Variants in SIGLEC11 observed in about 807,000 individuals in gnomAD.
SIGLEC11 encodes the protein sialic acid binding Ig like lectin 11, also known as sialic acid-binding Ig-like lectin 11.
A neutral mutation model predicts 61.2 loss-of-function variants in SIGLEC11; 47 were observed. The observed-to-expected ratio is 0.77, with a 90% CI of 0.61 to 0.98. SIGLEC11 has a LOEUF of 0.98. SIGLEC11 is among the 50% of genes least tolerant of loss of function. The pLI is 0.00. For synonymous variants in SIGLEC11, 278 were observed against 373.1 expected, an observed-to-expected ratio of 0.75 and a Z score of 2.94; for missense variants, 610 against 870.3, an observed-to-expected ratio of 0.70 and a Z score of 3.76.
In SIGLEC11 at chr19:49,952,376, C is replaced by T; in HGVS notation, c.1670G>A (p.Gly557Glu). ...CAGGGCAGCCCCCAGGCCAAGTCCT[C>T]CCCCATGCTCCAGCTTCCCTGCATG... ...QLLPGKLEHGGGLGLGAALGA... is the reference protein window; with the variant it reads ...QLLPGKLEHGEGLGLGAALGA... The change falls in exon 9 of 11, where the codon GGA becomes GAA. Residue 557 changes from glycine to glutamate, a missense_variant. Gly to Glu is a moderately conservative substitution (Grantham distance 98). This residue lies in a region of SIGLEC11 where 432 missense variants were observed against 441.5 expected (regional missense o/e 0.98). Coordinates refer to ENST00000447370, the MANE Select transcript of SIGLEC11 (RefSeq NM_052884.3). The T allele has an allele frequency of 2.5e-6, 4 of 1,607,138 alleles. No individual in the cohort carries two copies. The highest frequency in any genetic ancestry group is 1.3e-5 in the African/African-American group (1 of 75,054).
chr19:49,953,125 C>T (rs2076170124), intron 8 of SIGLEC11, among the ~76,000 whole-genome samples: 1 of 152,212 alleles, frequency 6.6e-6, no homozygotes, highest in Non-Finnish European at 1.5e-5. Context: ...CCCCGGGCCT[C>T]AGGAGACCTG....
chr19:49,954,313 A>AGC (rs1013427903), intron 8 of SIGLEC11, among the ~76,000 whole-genome samples: 2 of 152,166 alleles, frequency 1.3e-5, no homozygotes, highest in African/African-American at 4.8e-5. Context: ...TGAGGCCAAC[A>AGC]GCCCTCCAGG....
At position 49,949,635 on chromosome 19, in the gene SIGLEC11, A is replaced by T. The variant is rs1048744532; in HGVS notation, c.*335T>A. The T allele has an allele frequency of 1.8e-5, 3 of 168,722 alleles. No homozygotes were observed. Among genetic ancestry groups the T allele is most frequent in the African/African-American group, 7.1e-5 (3 of 42,184 alleles). 10.5% of individuals were successfully genotyped at this position (168,722 alleles called of 1,614,324 possible). On this transcript the variant is annotated 3_prime_UTR_variant, in exon 11 of 11. Transcript: ENST00000447370. ...GGCGGGCAGATTGCTTGAGCCCAGG[A>T]GTCTGAGACCAGCCAGGGAAACATG...
intron 8 of SIGLEC11, among the ~76,000 whole-genome samples, chr19:49,953,564 T>A (rs6509449): frequency 0.44 from 66,768 of 152,008 alleles, 15,196 homozygotes; most frequent in South Asian, 0.62. Context: ...GAAGAAGCCT[T>A]ATTAGGCTGA....
Position 49,958,496 on chromosome 19 carries a change from T to C in SIGLEC11, c.1438A>G (p.Ser480Gly). Residue 480 changes from serine to glycine, a missense_variant, in exon 8 of 11, where the codon AGC becomes GGC. Ser to Gly is a moderately conservative substitution (Grantham distance 56, BLOSUM62 0). Coordinates refer to ENST00000447370, the MANE Select transcript of SIGLEC11 (RefSeq NM_052884.3). Reference protein sequence around the residue: ...GLHCSCSSQASPAPSLRWWLG... With the variant: ...GLHCSCSSQAGPAPSLRWWLG... ...CACCAGCGCAGAGAGGGGGCCGGGCTGGCCTGGGAGGAGCAGCTGCAGTGC... is the reference window on the plus strand; with the variant it reads ...CACCAGCGCAGAGAGGGGGCCGGGCCGGCCTGGGAGGAGCAGCTGCAGTGC... The C allele has an allele frequency of 6.2e-7, 1 of 1,610,058 alleles. No individual in the cohort carries two copies. The highest frequency in any genetic ancestry group is 8.5e-7 in the Non-Finnish European group (1 of 1,178,642).
Position 49,955,983 on chromosome 19 carries a change from C to T in SIGLEC11, c.1651+2300G>A, listed in dbSNP as rs2076193281. On this transcript the variant is annotated intron_variant, in intron 8 of 10. Coordinates refer to ENST00000447370, the MANE Select transcript of SIGLEC11 (RefSeq NM_052884.3). The surrounding 1 kb of genome is among the most constrained non-coding windows in gnomAD (Gnocchi z 4.5). The stretch of plus-strand genomic sequence containing the variant: ...GTACTTATGGCCGGGCGCAGTGGCT[C>T]ACACCTGTAATCCTGTTACCAGAGC... Among the ~76,000 whole-genome samples the T allele has an allele frequency of 1.3e-5, 2 of 151,862 alleles. No individual in the cohort carries two copies. Among genetic ancestry groups the T allele is most frequent in the Admixed American group, 6.6e-5 (1 of 15,232 alleles).
At position 49,960,535 on chromosome 19, in the gene SIGLEC11, C is replaced by T. The variant is rs1379087763; in HGVS notation, c.460+17G>A. The T allele has an allele frequency of 6.3e-7, 1 of 1,596,212 alleles. No homozygotes were observed. The highest frequency in any genetic ancestry group is 2.2e-5 in the East Asian group (1 of 44,870). On this transcript the variant is annotated intron_variant, in intron 2 of 10. Coordinates refer to ENST00000447370, the MANE Select transcript of SIGLEC11 (RefSeq NM_052884.3). Reference sequence around the variant, plus strand: ...CTCCCCAGTGTGACAGGCAGGGGTTCCCACCCCATTCCATACCTGTTACTT... The same window carrying T: ...CTCCCCAGTGTGACAGGCAGGGGTTTCCACCCCATTCCATACCTGTTACTT...
chr19:49,958,898 G>T lies in SIGLEC11; in HGVS notation c.1108C>A (p.Leu370Met). 4 of 1,601,628 alleles carry T rather than the reference G, an allele frequency of 2.5e-6. No individual in the cohort carries two copies. Among genetic ancestry groups the T allele is most frequent in the Non-Finnish European group, 3.4e-6 (4 of 1,172,824 alleles). The change falls in exon 7 of 11, where the codon CTG becomes ATG. Residue 370 changes from leucine to methionine, a missense_variant and splice_region_variant. Coordinates refer to ENST00000447370, the MANE Select transcript of SIGLEC11 (RefSeq NM_052884.3). ...VMVSQANRTV[L>M]ENLGNGTSLP... ...GATGTGCCGTTCCCGAGGTTTTCCAGGACTAGGGAAGGAAGAGGCAGAATC... is the reference window on the plus strand; with the variant it reads ...GATGTGCCGTTCCCGAGGTTTTCCATGACTAGGGAAGGAAGAGGCAGAATC...
At chr19:49,959,266 G>A in intron 5 of SIGLEC11, 94 bp downstream of exon 5, 1 of 1,558,044 alleles carries the variant, frequency 6.4e-7, no homozygotes, top group Non-Finnish European at 8.7e-7. Flanking sequence ...CGAGGCCTGG[G>A]GTTCAAGACC....
chr19:49,952,928 CTCTG>C (rs879411088), intron 8 of SIGLEC11, among the ~76,000 whole-genome samples: 7 of 152,224 alleles, frequency 4.6e-5, no homozygotes, highest in Non-Finnish European at 1.0e-4. Context: ...AAAAACCTCG[CTCTG>C]TCTTTGTTTC....
chr19:49,957,202 C>T (rs1045059412), intron 8 of SIGLEC11, among the ~76,000 whole-genome samples: 1 of 152,160 alleles, frequency 6.6e-6, no homozygotes, highest in African/African-American at 2.4e-5. Context: ...CAGCTAACGG[C>T]TCTGCATAAA....
At chr19:49,954,289 C>T (rs2076180457) in intron 8 of SIGLEC11, among the ~76,000 whole-genome samples, 1 of 152,196 alleles carries the variant, frequency 6.6e-6, no homozygotes, top group African/African-American at 2.4e-5. Context: ...ATGTCCCAGC[C>T]TACCCCCCTT....
intron 8 of SIGLEC11, among the ~76,000 whole-genome samples, chr19:49,956,895 T>C (rs1343407514): frequency 6.7e-6 from 1 of 148,962 alleles, no homozygotes; most frequent in Non-Finnish European, 1.5e-5. Context: ...AAAAAAAAAA[T>C]GTAAAAAGTT....
chr19:49,958,797 C>G lies in SIGLEC11; in HGVS notation c.1209G>C (p.Trp403Cys). 1.2e-6 allele frequency: 2 copies of G among 1,613,474 alleles called. No individual in the cohort carries two copies. The highest frequency in any genetic ancestry group is 2.2e-5 in the South Asian group (2 of 90,990). ...GGCCCACGGTCTGTCCCCACCGGGT[C>G]CAGCTCAGCCTGGCTGGGGGGCTGC... is the stretch of plus-strand genomic sequence containing the variant. ...THSSPPARLS[W>C]TRWGQTVGPS... Residue 403 changes from tryptophan to cysteine, a missense_variant, in exon 7 of 11, where the codon TGG becomes TGC. By Grantham distance (215) the Trp-to-Cys change is radical. Transcript: ENST00000447370.
intron 8 of SIGLEC11, among the ~76,000 whole-genome samples, chr19:49,952,658 C>T (rs1180332307): frequency 6.6e-6 from 1 of 152,202 alleles, no homozygotes; most frequent in African/African-American, 2.4e-5. Context: ...AAGGAATAGG[C>T]TCCAGACACA....
Position 49,958,371 on chromosome 19 carries a change from A to G in SIGLEC11, c.1563T>C (p.His521=). Residue 521 remains histidine, a synonymous_variant, in exon 8 of 11, where the codon CAT becomes CAC. Coordinates refer to ENST00000447370, the MANE Select transcript of SIGLEC11 (RefSeq NM_052884.3). ...GPWANSSLSL[H]GGLSSGLRLR... ...GCCTGAGGCCGGAGCTGAGCCCTCCATGGAGGCTCAGGGAGCTGTTGGCCC... is the reference window on the plus strand; with the variant it reads ...GCCTGAGGCCGGAGCTGAGCCCTCCGTGGAGGCTCAGGGAGCTGTTGGCCC... 1.9e-6 allele frequency: 3 copies of G among 1,614,106 alleles called. No individual in the cohort carries two copies. Among genetic ancestry groups the G allele is most frequent in the Non-Finnish European group, 2.5e-6 (3 of 1,179,996 alleles).
rs2076233926 is a variant in SIGLEC11, at chr19:49,960,256, T to G, written c.626A>C (p.His209Pro). 1 of 1,580,876 alleles carries G rather than the reference T, an allele frequency of 6.3e-7. No homozygotes were observed. Among genetic ancestry groups the G allele is most frequent in the South Asian group, 1.1e-5 (1 of 89,702 alleles). Residue 209 changes from histidine to proline, a missense_variant, in exon 3 of 11, where the codon CAC (histidine) becomes CCC (proline). By Grantham distance (77) the His-to-Pro change is moderately conservative (BLOSUM62 -2). Transcript: ENST00000447370. Reference sequence around the variant, plus strand: ...GGGCGTGAAGCTGAGCACTGAGAAGTGGGAGGTGCTTGGTCTGGTTCTTCT... The same window carrying G: ...GGGCGTGAAGCTGAGCACTGAGAAGGGGGAGGTGCTTGGTCTGGTTCTTCT... ...SPRRTRPSTS[H>P]FSVLSFTPSP...
intron 10 of SIGLEC11, among the ~76,000 whole-genome samples, chr19:49,950,617 T>C (rs1448217353): frequency 6.6e-6 from 1 of 152,188 alleles, no homozygotes; most frequent in Non-Finnish European, 1.5e-5. Flanking sequence ...TCCAGGTTTC[T>C]CTGACTCCAG....
rs927385819 is a variant in SIGLEC11 at position 49,951,225 on chromosome 19, G to A, written c.1830+666C>T. Among the ~76,000 whole-genome samples, 2 of 152,154 alleles carry A rather than the reference G, an allele frequency of 1.3e-5. No homozygotes were observed. Among genetic ancestry groups the A allele is most frequent in the Admixed American group, 6.5e-5 (1 of 15,284 alleles). On this transcript the variant is annotated intron_variant, in intron 10 of 10. Transcript: ENST00000447370. The surrounding 1 kb of genome is among the most constrained non-coding windows in gnomAD (Gnocchi z 4.6). ...GTTTGGTGGAGCTTCCCAGGTGAGCGGTGCCCTGATGCTCCGTGCATCTGT... is the reference window on the plus strand; with the variant it reads ...GTTTGGTGGAGCTTCCCAGGTGAGCAGTGCCCTGATGCTCCGTGCATCTGT...
Sources: gnomAD v4.1 joint callset for allele counts (sites outside exome capture counted in the v4.1 genomes callset) on GRCh38, gnomAD v4.1.1 for gene constraint, gnomAD v4.1.1 regional missense constraint, Gnocchi (gnomAD v3.1) non-coding constraint, MANE v1.5 for transcripts, NCBI Gene and HGNC (gene_info 2026-07-23, HGNC 2026-07-21) for gene names.